Variants in MEI4 observed in about 807,000 individuals in gnomAD.
The protein encoded by MEI4 is meiosis-specific protein MEI4.
A neutral mutation model predicts 31.4 loss-of-function variants in MEI4; 27 were observed. The ratio of observed to expected loss-of-function variants is 0.86; its 90% confidence interval spans 0.63 to 1.19. The LOEUF (loss-of-function observed/expected upper bound fraction) is 1.19. Among genes scored for constraint, MEI4 ranks in the 50% most tolerant of loss-of-function variants. The pLI is 0.00. For synonymous variants in MEI4, 122 were observed against 145.4 expected (o/e 0.84, Z 1.16); for missense variants, 329 against 398.9 (o/e 0.82, Z 1.49).
intron 4 of MEI4, among the ~76,000 whole-genome samples, chr6:77,857,476 A>G (rs1770773264): frequency 6.6e-6 from 1 of 152,170 alleles, no homozygotes; most frequent in Non-Finnish European, 1.5e-5. Flanking sequence ...ATCCCCTGTG[A>G]TAACTAGAAT....
intron 3 of MEI4, among the ~76,000 whole-genome samples, chr6:77,792,600 AC>A (rs1248598855): frequency 6.6e-6 from 1 of 151,974 alleles, no homozygotes; most frequent in Non-Finnish European, 1.5e-5. Context: ...TAGTAATTTT[AC>A]ATTTTTTGTC....
At chr6:77,745,942 A>G (rs1279699373) in intron 2 of MEI4, among the ~76,000 whole-genome samples, 1 of 152,194 alleles carries the variant, frequency 6.6e-6, no homozygotes, top group African/African-American at 2.4e-5. Context: ...GACACAACAT[A>G]CCAGAATCTC....
At chr6:77,751,093 G>T (rs951742772) in intron 2 of MEI4, among the ~76,000 whole-genome samples, 1 of 152,128 alleles carries the variant, frequency 6.6e-6, no homozygotes, top group South Asian at 2.1e-4. Context: ...AAATGTGCCA[G>T]AATCTCTGAG....
At chr6:77,841,253 G>A (rs563274395) in intron 4 of MEI4, among the ~76,000 whole-genome samples, 2 of 143,156 alleles carry the variant, frequency 1.4e-5, no homozygotes, top group African/African-American at 5.2e-5. Context: ...CAGTTGTATA[G>A]CTTCTAATTG....
chr6:77,812,132 T>A (rs879815747), intron 3 of MEI4, among the ~76,000 whole-genome samples: 2 of 152,110 alleles, frequency 1.3e-5, no homozygotes, highest in Non-Finnish European at 2.9e-5. Flanking sequence ...TAACTTTTTT[T>A]TGGTTTTATT....
At chr6:77,656,945 A>G (rs1464121496) in intron 1 of MEI4, among the ~76,000 whole-genome samples, 1 of 152,206 alleles carries the variant, frequency 6.6e-6, no homozygotes, top group Non-Finnish European at 1.5e-5. Flanking sequence ...CAAAACCAAA[A>G]TTGTGTTACC....
At chr6:77,676,421 G>C (rs1308913379) in intron 1 of MEI4, among the ~76,000 whole-genome samples, 1 of 152,062 alleles carries the variant, frequency 6.6e-6, no homozygotes, top group Non-Finnish European at 1.5e-5. Flanking sequence ...TAGCTACTGG[G>C]AAGGCTGAGG....
At chr6:77,710,377 C>T (rs1035273024) in intron 2 of MEI4, among the ~76,000 whole-genome samples, 2 of 151,754 alleles carry the variant, frequency 1.3e-5, no homozygotes, top group Non-Finnish European at 2.9e-5. Flanking sequence ...CAAAAATTAG[C>T]TGGGTGTGGT....
At chr6:77,729,345 G>A (rs1348126932) in intron 2 of MEI4, among the ~76,000 whole-genome samples, 2 of 152,192 alleles carry the variant, frequency 1.3e-5, no homozygotes, top group Non-Finnish European at 2.9e-5. Context: ...AAGTTGCAAC[G>A]TTAGGCATAA....
intron 4 of MEI4, among the ~76,000 whole-genome samples, chr6:77,899,049 G>A (rs959339144): frequency 2.6e-5 from 4 of 151,944 alleles, no homozygotes; most frequent in Admixed American, 2.6e-4. Context: ...ATCCATGGGT[G>A]TCCCTCATTC....
rs556050697 is a variant in MEI4 at position 77,847,665 on chromosome 6, C to T, written c.900+18603C>T. ...AGGAGCAGCCATTTCTTTCCTACTC[C>T]GATCTTTGTATTATAGACATTAACA... is the stretch of plus-strand genomic sequence containing the variant. On this transcript the variant is annotated intron_variant, in intron 4 of 4. Coordinates refer to ENST00000684080, the MANE Select transcript of MEI4 (RefSeq NM_001322247.2). The surrounding 1 kb of genome is among the most constrained non-coding windows in gnomAD (Gnocchi z 4.6). Among the ~76,000 whole-genome samples, 243 of 152,188 alleles carry T rather than the reference C, an allele frequency of 1.6e-3. 1 individual carries two copies. Among genetic ancestry groups the T allele is most frequent in the African/African-American group, 5.2e-3 (216 of 41,536 alleles).
chr6:77,902,437 G>A (rs2127735533), intron 4 of MEI4, among the ~76,000 whole-genome samples: 1 of 152,108 alleles, frequency 6.6e-6, no homozygotes, highest in Non-Finnish European at 1.5e-5. Flanking sequence ...TTGGTTAAAT[G>A]TATTCTTAAG....
intron 4 of MEI4, among the ~76,000 whole-genome samples, chr6:77,851,587 A>G (rs1486073734): frequency 7.1e-6 from 1 of 140,722 alleles, no homozygotes; most frequent in African/African-American, 2.6e-5. Flanking sequence ...GAACAATGAG[A>G]ACACATGGAC....
chr6:77,787,974 T>C (rs1346148589), intron 3 of MEI4, among the ~76,000 whole-genome samples: 1 of 152,196 alleles, frequency 6.6e-6, no homozygotes, highest in Non-Finnish European at 1.5e-5. Flanking sequence ...CATTTTGTTG[T>C]GTCTCTGCCA....
chr6:77,803,896 C>T (rs1353309320), intron 3 of MEI4, among the ~76,000 whole-genome samples: 1 of 152,168 alleles, frequency 6.6e-6, no homozygotes, highest in African/African-American at 2.4e-5. Flanking sequence ...GGGGTTGCCT[C>T]CCAGTTAGGC....
At chr6:77,760,149 A>G (rs891648584) in intron 2 of MEI4, among the ~76,000 whole-genome samples, 1 of 152,100 alleles carries the variant, frequency 6.6e-6, no homozygotes, top group Admixed American at 6.6e-5. Context: ...TAGAAGTTAT[A>G]GACATAGTTT....
intron 2 of MEI4, among the ~76,000 whole-genome samples, chr6:77,728,424 CATTG>C (rs1224862352): frequency 6.6e-6 from 1 of 152,098 alleles, no homozygotes; most frequent in Non-Finnish European, 1.5e-5. Flanking sequence ...TTCATTTGTT[CATTG>C]ATTGATTCAT....
intron 4 of MEI4, among the ~76,000 whole-genome samples, chr6:77,921,667 CTCTT>C (rs753270793): frequency 2.0e-5 from 3 of 151,836 alleles, no homozygotes; most frequent in African/African-American, 4.8e-5. Flanking sequence ...AGATAGGCAA[CTCTT>C]TCTTTCACTT....
At chr6:77,709,350 C>T (rs1177139657) in intron 2 of MEI4, among the ~76,000 whole-genome samples, 2 of 152,140 alleles carry the variant, frequency 1.3e-5, no homozygotes, top group Non-Finnish European at 2.9e-5. Context: ...GTGCTGGATT[C>T]CATGAGATCT....
Sources: allele counts gnomAD v4.1 joint callset (sites outside exome capture counted in the v4.1 genomes callset), GRCh38; gene constraint gnomAD v4.1.1; non-coding constraint Gnocchi (gnomAD v3.1); transcripts MANE v1.5; gene names NCBI Gene and HGNC (gene_info 2026-07-23, HGNC 2026-07-21).